The following KDM3B variants were observed in gnomAD, a reference collection of about 807,000 sequenced individuals.
KDM3B encodes lysine demethylase 3B, also known as lysine-specific demethylase 3B.
Under a neutral mutation model 170.0 loss-of-function variants are expected in KDM3B, and 10 were observed. That is an observed-to-expected ratio of 0.06 (90% confidence interval 0.04 to 0.10). KDM3B has a LOEUF of 0.10. Ranked by LOEUF, KDM3B falls within the 10% of genes least tolerant of loss-of-function variation. The pLI, the probability that KDM3B is intolerant of heterozygous loss-of-function variation, is 1.00. For missense variants in KDM3B, 1,394 were observed against 2,195.2 expected (o/e 0.64, Z 7.29); for synonymous variants, 831 against 834.8 (o/e 1.00, Z 0.08).
At chr5:138,394,402 T>G (rs1762502466) in intron 9 of KDM3B, among the ~76,000 whole-genome samples, 1 of 152,066 alleles carries the variant, frequency 6.6e-6, no homozygotes. Context: ...ATAAGTGATA[T>G]GTCAGCTGAT....
At chr5:138,410,863 CTT>C (rs879269433) in intron 11 of KDM3B, among the ~76,000 whole-genome samples, 13 of 152,202 alleles carry the variant, frequency 8.5e-5, no homozygotes, top group Non-Finnish European at 1.9e-4. Context: ...ATATCAGAGA[CTT>C]TTAGTACTTT....
At chr5:138,383,145 CTT>C (rs879427486) in intron 6 of KDM3B, among the ~76,000 whole-genome samples, 1 of 145,394 alleles carries the variant, frequency 6.9e-6, no homozygotes, top group African/African-American at 2.5e-5. Flanking sequence ...TTGTTTTTTT[CTT>C]TTTTTTTTTG....
At chr5:138,428,940 CTTT>C (rs397884825) in intron 20 of KDM3B, among the ~76,000 whole-genome samples, 7 of 101,234 alleles carry the variant, frequency 6.9e-5, no homozygotes, top group Admixed American at 1.1e-4. Context: ...GGGATAATTT[CTTT>C]TTTTTTTTTT....
At chr5:138,408,577 G>GC (rs1762884085) in intron 11 of KDM3B, among the ~76,000 whole-genome samples, 1 of 152,066 alleles carries the variant, frequency 6.6e-6, no homozygotes, top group African/African-American at 2.4e-5. Flanking sequence ...TATGAAGCCA[G>GC]CATTATACTA....
chr5:138,373,524 T>TGGTGCAATCAGAGCTC (rs966068070), intron 2 of KDM3B, among the ~76,000 whole-genome samples: 14 of 152,174 alleles, frequency 9.2e-5, no homozygotes, highest in Middle Eastern at 3.4e-3. Flanking sequence ...TGGAATGCAG[T>TGGTGCAATCAGAGCTC]GGTGCAATCA....
chr5:138,404,635 A>AC (rs1762770865), intron 11 of KDM3B, among the ~76,000 whole-genome samples: 1 of 152,036 alleles, frequency 6.6e-6, no homozygotes, highest in African/African-American at 2.4e-5. Context: ...CTAAAAAAAA[A>AC]AAAACAAAAG....
chr5:138,385,980 A>G (rs747615434), intron 6 of KDM3B, 42 bp from the exon 7 acceptor site: 3 of 1,554,714 alleles, frequency 1.9e-6, no homozygotes, highest in African/African-American at 2.7e-5. Context: ...TATTCACAGG[A>G]TGAAAGTTTC....
intron 23 of KDM3B, 28 bp downstream of exon 23, chr5:138,431,587 C>G: frequency 6.4e-7 from 1 of 1,567,296 alleles, no homozygotes; most frequent in Non-Finnish European, 8.6e-7. Flanking sequence ...CTACCCCACT[C>G]TGTCTTCTCA....
At chr5:138,409,495 C>G (rs1289983663) in intron 11 of KDM3B, among the ~76,000 whole-genome samples, 3 of 151,982 alleles carry the variant, frequency 2.0e-5, no homozygotes, top group Non-Finnish European at 4.4e-5. Flanking sequence ...ATCATAAAAT[C>G]ATGAAGTGCT....
At position 138,386,472 on chromosome 5, in the gene KDM3B, G is replaced by A. The variant is rs748515665; in HGVS notation, c.1231G>A (p.Glu411Lys). The A allele has an allele frequency of 6.2e-7, 1 of 1,614,134 alleles. No homozygotes were observed. Residue 411 changes from glutamate (E) to lysine (K), a missense_variant, in exon 7 of 24, where the codon GAA (glutamate) becomes AAA (lysine). Physicochemically the swap from Glu to Lys is moderately conservative, Grantham distance 56. Transcript: ENST00000314358. ...AAACAAAGAGGCAGGAAAAACACTG[G>A]AACAAGTTGGCCAGGGCATAGTGGC... is the stretch of plus-strand genomic sequence containing the variant. ...AENKEAGKTL[E>K]QVGQGIVASA...
intron 3 of KDM3B, 113 bp downstream of exon 3, chr5:138,375,319 C>G: frequency 2.3e-6 from 1 of 437,342 alleles, no homozygotes; most frequent in Non-Finnish European, 4.1e-6. Context: ...ATTAGCATTT[C>G]TTTTATTACT....
chr5:138,409,811 C>T (rs1479722519), intron 11 of KDM3B, among the ~76,000 whole-genome samples: 2 of 152,168 alleles, frequency 1.3e-5, no homozygotes, highest in Non-Finnish European at 2.9e-5. Flanking sequence ...AGGCCGAGCG[C>T]CGTGGCTAAC....
Position 138,431,497 on chromosome 5 carries a change from C to T in KDM3B, c.5143C>T (p.Arg1715Cys), listed in dbSNP as rs1470437091. 4 of 1,612,246 alleles carry T rather than the reference C, an allele frequency of 2.5e-6. No individual in the cohort carries two copies. Among genetic ancestry groups the T allele is most frequent in the South Asian group, 1.1e-5 (1 of 90,666 alleles). Residue 1715 changes from arginine (R) to cysteine (C), a missense_variant, in exon 23 of 24, where the codon CGC (arginine) becomes TGC (cysteine). Arg to Cys is a radical substitution (Grantham distance 180). Transcript: ENST00000314358. ...VSPEHVKHCF[R>C]LTQEFRHLSN... ...TCCAGAACATGTAAAGCACTGTTTC[C>T]GCCTGACTCAGGAATTCAGGCATCT... is the stretch of plus-strand genomic sequence containing the variant.
chr5:138,415,993 A>G (rs1763094143), intron 12 of KDM3B, among the ~76,000 whole-genome samples: 1 of 152,126 alleles, frequency 6.6e-6, no homozygotes, highest in Admixed American at 6.5e-5. Flanking sequence ...TGGGAGGCCA[A>G]GATTGGAGGA....
chr5:138,354,360 T>C (rs1204426839), intron 1 of KDM3B, among the ~76,000 whole-genome samples: 1 of 152,248 alleles, frequency 6.6e-6, no homozygotes, highest in East Asian at 1.9e-4. Context: ...TCTATTCCTC[T>C]GCGCTTTCTT....
At chr5:138,355,326 C>T (rs1761422947) in intron 1 of KDM3B, among the ~76,000 whole-genome samples, 1 of 152,196 alleles carries the variant, frequency 6.6e-6, no homozygotes, top group Non-Finnish European at 1.5e-5. Context: ...ACGAATACAT[C>T]TCTTTCTAAA....
chr5:138,396,419 A>G (rs1762549056), intron 9 of KDM3B, among the ~76,000 whole-genome samples: 1 of 152,084 alleles, frequency 6.6e-6, no homozygotes, highest in African/African-American at 2.4e-5. Flanking sequence ...CTTTAGAGGA[A>G]CTTTGCTCAA....
rs925374133 is a variant in KDM3B, at chr5:138,429,980, G to A, written c.4893+15G>A. ...TGCTCCGAAAGGTACGCCCCTGGGT[G>A]GGCTGTGCTCCCAGCTCACATATCA... On this transcript the variant is annotated intron_variant, in intron 21 of 23. Coordinates refer to ENST00000314358, the MANE Select transcript of KDM3B (RefSeq NM_016604.4). 2 of 1,613,280 alleles carry A rather than the reference G, an allele frequency of 1.2e-6. No homozygotes were observed. Among genetic ancestry groups the A allele is most frequent in the African/African-American group, 2.7e-5 (2 of 74,884 alleles).
At chr5:138,366,565 A>C (rs1761750377) in intron 1 of KDM3B, among the ~76,000 whole-genome samples, 1 of 152,166 alleles carries the variant, frequency 6.6e-6, no homozygotes. Context: ...TCCTAGGCTC[A>C]AGTGATCCTC....
Sources: allele counts gnomAD v4.1 joint callset (sites outside exome capture counted in the v4.1 genomes callset), GRCh38; gene constraint gnomAD v4.1.1; transcripts MANE v1.5; gene names NCBI Gene and HGNC (gene_info 2026-07-23, HGNC 2026-07-21).